Variants in HMCN1 observed in about 807,000 individuals in gnomAD.
HMCN1 encodes hemicentin 1, also known as hemicentin-1.
In HMCN1, 321 loss-of-function variants were observed where a neutral mutation model predicts 625.9. That is an observed-to-expected ratio of 0.51 (90% CI 0.47 to 0.56). The LOEUF is 0.56. Among genes scored for constraint, HMCN1 ranks in the 20% least tolerant of loss-of-function variants. HMCN1 has a pLI of 0.00. For missense variants in HMCN1, 6,588 were observed against 6,887.3 expected, an observed-to-expected ratio of 0.96 and a Z score of 1.54; for synonymous variants, 2,425 against 2,417.6, an observed-to-expected ratio of 1.00 and a Z score of -0.09.
intron 86 of HMCN1, among the ~76,000 whole-genome samples, chr1:186,135,763 C>A (rs2102530680): frequency 6.6e-6 from 1 of 152,230 alleles, no homozygotes; most frequent in African/African-American, 2.4e-5. Context: ...TTGGATATGT[C>A]TTCCTTTTCC....
At chr1:185,880,168 T>C (rs1664203952) in intron 4 of HMCN1, among the ~76,000 whole-genome samples, 1 of 152,166 alleles carries the variant, frequency 6.6e-6, no homozygotes, top group Admixed American at 6.5e-5. Context: ...AGGAAGTATC[T>C]TGAGTTTCCA....
chr1:186,117,216 T>C, intron 76 of HMCN1, 101 bp downstream of exon 76: 1 of 1,504,448 alleles, frequency 6.6e-7, no homozygotes, highest in Non-Finnish European at 9.1e-7. Context: ...TTTTTAAACA[T>C]TTATTTTAAG....
intron 14 of HMCN1, among the ~76,000 whole-genome samples, chr1:185,968,244 G>A (rs114337822): frequency 0.01 from 1,528 of 152,108 alleles, 29 homozygotes; most frequent in African/African-American, 0.035. Context: ...TGTGATGTGT[G>A]ATGTCCAATA....
At chr1:185,919,079 A>G (rs1414661585) in intron 6 of HMCN1, among the ~76,000 whole-genome samples, 2 of 151,070 alleles carry the variant, frequency 1.3e-5, no homozygotes. Context: ...TAGGACATAT[A>G]TATATATATA....
intron 101 of HMCN1, 31 bp downstream of exon 101, chr1:186,171,481 G>A (rs770850954): frequency 1.4e-6 from 2 of 1,454,206 alleles, no homozygotes; most frequent in South Asian, 2.3e-5. Flanking sequence ...TTAAAGGAAT[G>A]ACACCTCTAT....
chr1:185,909,217 AT>A, intron 4 of HMCN1, 119 bp from the exon 5 acceptor site: 1 of 741,784 alleles, frequency 1.3e-6, no homozygotes. Flanking sequence ...ACCGAAATAA[AT>A]TTCACACCAG....
intron 15 of HMCN1, among the ~76,000 whole-genome samples, chr1:185,973,232 C>G (rs1650952717): frequency 6.6e-6 from 1 of 152,078 alleles, no homozygotes; most frequent in African/African-American, 2.4e-5. Context: ...TTTAATGAAA[C>G]ATGTATCATG....
At chr1:185,823,002 CCCTT>C (rs761171566) in intron 1 of HMCN1, among the ~76,000 whole-genome samples, 18 of 152,126 alleles carry the variant, frequency 1.2e-4, no homozygotes, top group Non-Finnish European at 2.6e-4. Flanking sequence ...CTTTCACTCT[CCCTT>C]CCTTTAACTT....
chr1:185,830,920 GA>G (rs1443101216), intron 1 of HMCN1, among the ~76,000 whole-genome samples: 3 of 151,662 alleles, frequency 2.0e-5, no homozygotes, highest in African/African-American at 7.3e-5. Flanking sequence ...TATATTAACT[GA>G]AAAAAACAAA....
rs79336177 is a variant in HMCN1, at chr1:185,759,906, C to T, written c.268+24859C>T. Among the ~76,000 whole-genome samples the T allele has an allele frequency of 1.3e-3, 199 of 152,028 alleles. 2 individuals carry two copies. In the East Asian group the frequency reaches 0.033, roughly 25 times the overall value. On this transcript the variant is annotated intron_variant, in intron 1 of 106. Transcript: ENST00000271588. ...AAAGCACAGAAGAGTAAAATGATAC[C>T]GAATGCACTGAATCCAGCCATTATT... is the stretch of plus-strand genomic sequence containing the variant.
intron 6 of HMCN1, among the ~76,000 whole-genome samples, chr1:185,921,720 G>A (rs987815876): frequency 6.6e-6 from 1 of 152,190 alleles, no homozygotes; most frequent in African/African-American, 2.4e-5. Flanking sequence ...GGTAATCTAT[G>A]TAATAAAATA....
At chr1:186,060,030 T>A (rs1326533929) in intron 46 of HMCN1, among the ~76,000 whole-genome samples, 1 of 152,058 alleles carries the variant, frequency 6.6e-6, no homozygotes, top group African/African-American at 2.4e-5. Flanking sequence ...CTAATTGACA[T>A]AAGTTTTTAA....
At chr1:186,035,776 T>C (rs1357772719) in intron 36 of HMCN1, among the ~76,000 whole-genome samples, 2 of 152,180 alleles carry the variant, frequency 1.3e-5, no homozygotes, top group Admixed American at 6.5e-5. Context: ...CATGGGCTAA[T>C]ATCTCATTTT....
chr1:185,950,915 G>A lies in HMCN1; in HGVS notation c.1829-11603G>A, dbSNP rs374660245. ...GATCCTGAACTAACTTGTAAGGCTTGTCTGGTTTTAGGACAGGTAAAATGG... is the reference window on the plus strand; with the variant it reads ...GATCCTGAACTAACTTGTAAGGCTTATCTGGTTTTAGGACAGGTAAAATGG... On this transcript the variant is annotated intron_variant, in intron 11 of 106. Transcript: ENST00000271588. Among the ~76,000 whole-genome samples the A allele has an allele frequency of 2.0e-5, 3 of 150,152 alleles. No homozygotes were observed. In the East Asian group the frequency reaches 5.8e-4, roughly 29 times the overall value.
intron 11 of HMCN1, among the ~76,000 whole-genome samples, chr1:185,943,858 C>T (rs138892556): frequency 6.2e-4 from 95 of 152,260 alleles, no homozygotes; most frequent in African/African-American, 2.1e-3. Context: ...TCTAAGAACC[C>T]GCCATCCCCC....
At chr1:186,146,454 T>C (rs1650322059) in intron 93 of HMCN1, among the ~76,000 whole-genome samples, 1 of 152,276 alleles carries the variant, frequency 6.6e-6, no homozygotes, top group South Asian at 2.1e-4. Flanking sequence ...TTCCAAGAAA[T>C]GGTAGCTAAT....
At chr1:185,943,407 G>A (rs942885929) in intron 11 of HMCN1, among the ~76,000 whole-genome samples, 3 of 152,196 alleles carry the variant, frequency 2.0e-5, no homozygotes, top group South Asian at 2.1e-4. Context: ...ATACACAACC[G>A]TTGTCTGCTG....
chr1:185,738,249 G>T (rs1311694080), intron 1 of HMCN1, among the ~76,000 whole-genome samples: 1 of 152,150 alleles, frequency 6.6e-6, no homozygotes, highest in Non-Finnish European at 1.5e-5. Context: ...ACAGTCCATT[G>T]TAGAACATCT....
chr1:185,985,045 A>T (rs939883432), intron 19 of HMCN1, among the ~76,000 whole-genome samples: 2 of 152,168 alleles, frequency 1.3e-5, no homozygotes, highest in African/African-American at 4.8e-5. Context: ...TAGTTGATTT[A>T]TTCTTTATTT....
Sources: allele counts gnomAD v4.1 joint callset (sites outside exome capture counted in the v4.1 genomes callset), GRCh38; gene constraint gnomAD v4.1.1; transcripts MANE v1.5; gene names NCBI Gene and HGNC (gene_info 2026-07-23, HGNC 2026-07-21).